The following SACM1L variants were observed in gnomAD, a reference collection of about 807,000 sequenced individuals.
SACM1L encodes SAC1 like phosphatidylinositide phosphatase, also known as phosphatidylinositol-3-phosphatase SAC1.
SACM1L carries 32 observed loss-of-function variants against 89.5 expected under a neutral mutation model. The observed-to-expected ratio is 0.36, with a 90% CI of 0.27 to 0.48. SACM1L has a LOEUF of 0.48. Ranked by LOEUF, SACM1L falls within the 20% of genes least tolerant of loss-of-function variation. SACM1L has a pLI of 0.99. For synonymous variants in SACM1L, 213 were observed against 232.8 expected (o/e 0.92, Z 0.77); for missense variants, 543 against 708.5 (o/e 0.77, Z 2.65).
At chr3:45,727,150 G>T (rs564749983) in intron 11 of SACM1L, among the ~76,000 whole-genome samples, 227 of 21,966 alleles carry the variant, frequency 0.01, 90 homozygotes, top group Middle Eastern at 0.059. Flanking sequence ...CTCCCAAAGT[G>T]CTGGGATTAC....
intron 8 of SACM1L, among the ~76,000 whole-genome samples, chr3:45,720,113 A>AT (rs928598212): frequency 1.4e-4 from 21 of 151,892 alleles, no homozygotes; most frequent in Admixed American, 1.3e-3. Flanking sequence ...CAACCTTTGT[A>AT]TTTTTTTTAA....
rs138528848 is a variant in SACM1L, at chr3:45,722,672, A to G, written c.766-197A>G. Reference sequence around the variant, plus strand: ...ACAAATGCCATGTATATAAAACTAGAAGGAGAAAAAGTTCTAAATGTTTTT... The same window carrying G: ...ACAAATGCCATGTATATAAAACTAGGAGGAGAAAAAGTTCTAAATGTTTTT... On this transcript the variant is annotated intron_variant, in intron 9 of 19. Transcript: ENST00000389061. 2.6e-3 allele frequency among the ~76,000 whole-genome samples: 394 copies of G among 152,330 alleles called. 12 individuals carry two copies. In the East Asian group the frequency reaches 0.046, roughly 18 times the overall value.
chr3:45,726,849 G>C (rs948736253), intron 11 of SACM1L, among the ~76,000 whole-genome samples: 2 of 150,532 alleles, frequency 1.3e-5, no homozygotes, highest in Non-Finnish European at 3.0e-5. Flanking sequence ...ATTTTCCTCA[G>C]CACTGCTTTT....
Position 45,703,443 on chromosome 3 carries a change from T to A in SACM1L, c.38T>A (p.Ile13Asn). Residue 13 changes from isoleucine to asparagine, a missense_variant, in exon 2 of 20, where the codon ATC (isoleucine) becomes AAC (asparagine). Physicochemically the swap from Ile to Asn is moderately radical, Grantham distance 149. Coordinates refer to ENST00000389061, the MANE Select transcript of SACM1L (RefSeq NM_014016.5). ...TGTTTTACATTTCTTCTTAGGCATA[T>A]CACACCTGAAAAATTTTATGTGGAA... Reference protein sequence around the residue: ...TAAYEQLKLHITPEKFYVEAC... With the variant: ...TAAYEQLKLHNTPEKFYVEAC... 5 of 1,610,050 alleles carry A rather than the reference T, an allele frequency of 3.1e-6. No homozygotes were observed. The highest frequency in any genetic ancestry group is 4.2e-6 in the Non-Finnish European group (5 of 1,176,556).
At chr3:45,706,517 C>T (rs9311377) in intron 3 of SACM1L, among the ~76,000 whole-genome samples, 2 of 152,184 alleles carry the variant, frequency 1.3e-5, no homozygotes, top group Non-Finnish European at 2.9e-5. Flanking sequence ...TTTCCATTTA[C>T]TAAGACAAAT....
rs546607425 is a variant in SACM1L at position 45,739,724 on chromosome 3, G to A, written c.1627+80G>A. On this transcript the variant is annotated intron_variant, in intron 19 of 19. Transcript: ENST00000389061. ...AACATCTTAAGTTTTTGAGTTCACC[G>A]AACACTTGATGTTTCCCTATTAAAT... The A allele has an allele frequency of 5.9e-5, 76 of 1,281,246 alleles. No homozygotes were observed. In the South Asian group the frequency reaches 6.6e-4, roughly 11 times the overall value. The allele number at this position is 1,281,246 out of a possible 1,614,324, so 79.4% of individuals were successfully genotyped here. A position where few individuals can be genotyped will look rare whatever the true frequency, so the allele number is the denominator to read the frequency against.
chr3:45,693,787 T>C (rs547506178), intron 1 of SACM1L, among the ~76,000 whole-genome samples: 1 of 152,360 alleles, frequency 6.6e-6, no homozygotes, highest in East Asian at 1.9e-4. Flanking sequence ...ATATGTTTAA[T>C]GTGGAAAACA....
At chr3:45,720,848 A>G (rs778966681) in intron 8 of SACM1L, among the ~76,000 whole-genome samples, 1 of 152,238 alleles carries the variant, frequency 6.6e-6, no homozygotes, top group Non-Finnish European at 1.5e-5. Context: ...TACTTCACAT[A>G]TACCTGCAAA....
Position 45,695,130 on chromosome 3 carries a change from A to G in SACM1L, c.32+5633A>G, listed in dbSNP as rs201948960. ...GGGGAGGTAGGAGCACCTTCTGCCT[A>G]TGAGTGTAGTATGTGCAGGGGATCC... On this transcript the variant is annotated intron_variant, in intron 1 of 19. Coordinates refer to ENST00000389061, the MANE Select transcript of SACM1L (RefSeq NM_014016.5). Among the ~76,000 whole-genome samples the G allele has an allele frequency of 2.0e-4, 30 of 152,250 alleles. No individual in the cohort carries two copies. In the East Asian group the frequency reaches 4.0e-3, roughly 21 times the overall value.
intron 1 of SACM1L, among the ~76,000 whole-genome samples, chr3:45,690,917 G>T (rs2673051): frequency 0.48 from 73,384 of 152,046 alleles, 18,244 homozygotes; most frequent in Middle Eastern, 0.57. Context: ...CCTACACCAG[G>T]TCTCAAATGT....
intron 8 of SACM1L, among the ~76,000 whole-genome samples, chr3:45,721,235 A>G (rs374597644): frequency 6.6e-6 from 1 of 152,316 alleles, no homozygotes; most frequent in East Asian, 1.9e-4. Context: ...AAACTAGCCT[A>G]TATTCACCGG....
At chr3:45,706,241 G>T (rs1698388592) in intron 3 of SACM1L, among the ~76,000 whole-genome samples, 2 of 152,176 alleles carry the variant, frequency 1.3e-5, no homozygotes, top group Non-Finnish European at 2.9e-5. Context: ...TTGGTGTATT[G>T]TGCATGATGT....
intron 17 of SACM1L, 26 bp downstream of exon 17, chr3:45,738,697 G>T (rs774039360): frequency 6.5e-7 from 1 of 1,543,630 alleles, no homozygotes; most frequent in South Asian, 1.1e-5. Context: ...ATGCTTTCCT[G>T]GCATTACGTG....
At chr3:45,742,293 C>T (rs1295393691) in intron 19 of SACM1L, among the ~76,000 whole-genome samples, 2 of 152,178 alleles carry the variant, frequency 1.3e-5, no homozygotes, top group African/African-American at 4.8e-5. Context: ...TGGATGGTAA[C>T]TTCTCATGTC....
At chr3:45,708,307 T>C (rs762372192) in intron 4 of SACM1L, among the ~76,000 whole-genome samples, 2 of 152,174 alleles carry the variant, frequency 1.3e-5, no homozygotes, top group Non-Finnish European at 1.5e-5. Context: ...TTCTGATTCT[T>C]TGAAACTTAC....
intron 19 of SACM1L, chr3:45,740,008 G>C (rs1456846158): frequency 4.4e-6 from 1 of 229,846 alleles, no homozygotes; most frequent in Non-Finnish European, 8.5e-6. Flanking sequence ...TTTCCAAAGA[G>C]GGTTTTAAGG....
At chr3:45,702,713 C>G (rs1404748663) in intron 1 of SACM1L, among the ~76,000 whole-genome samples, 1 of 152,148 alleles carries the variant, frequency 6.6e-6, no homozygotes, top group Non-Finnish European at 1.5e-5. Context: ...TAAGTTGTTT[C>G]TTGAGAAACC....
chr3:45,731,950 GTA>G, intron 12 of SACM1L, 101 bp from the exon 13 acceptor site: 1 of 681,384 alleles, frequency 1.5e-6, no homozygotes, highest in African/African-American at 1.8e-5. Flanking sequence ...CAAGAAATAT[GTA>G]TGCACTGATA....
chr3:45,711,096 G>A (rs1490662317), intron 5 of SACM1L, among the ~76,000 whole-genome samples: 1 of 152,180 alleles, frequency 6.6e-6, no homozygotes, highest in African/African-American at 2.4e-5. Flanking sequence ...AGTGAGGTGG[G>A]ATCCTGAAGG....
Sources: allele counts gnomAD v4.1 joint callset (sites outside exome capture counted in the v4.1 genomes callset), GRCh38; gene constraint gnomAD v4.1.1; transcripts MANE v1.5; gene names NCBI Gene and HGNC (gene_info 2026-07-23, HGNC 2026-07-21).